VSTM4: variants seen among roughly 807,000 people sequenced by gnomAD.
VSTM4 encodes the protein V-set and transmembrane domain-containing protein 4.
A neutral mutation model predicts 36.4 loss-of-function variants in VSTM4; 20 were observed. The observed-to-expected ratio is 0.55, with a 90% CI of 0.39 to 0.80. The LOEUF is 0.80. Ranked by LOEUF, VSTM4 falls within the 30% of genes least tolerant of loss-of-function variation. The pLI, the probability that VSTM4 is intolerant of heterozygous loss-of-function variation, is 0.00. For missense variants in VSTM4, 392 were observed against 404.5 expected, an observed-to-expected ratio of 0.97 and a Z score of 0.26; for synonymous variants, 182 against 173.9, an observed-to-expected ratio of 1.05 and a Z score of -0.37.
At chr10:49,029,858 GC>G (rs1843318621) in intron 7 of VSTM4, among the ~76,000 whole-genome samples, 1 of 152,208 alleles carries the variant, frequency 6.6e-6, no homozygotes. Context: ...AAGACTTGAG[GC>G]CACAGAACCC....
At chr10:49,064,434 C>T (rs1843935542) in intron 5 of VSTM4, 2 of 442,944 alleles carry the variant, frequency 4.5e-6, no homozygotes, top group African/African-American at 2.0e-5. Context: ...AACTGGGGAG[C>T]AGCTCTGCAG....
intron 7 of VSTM4, among the ~76,000 whole-genome samples, chr10:49,036,639 G>A (rs1400149286): frequency 1.3e-5 from 2 of 152,200 alleles, no homozygotes; most frequent in African/African-American, 2.4e-5. Context: ...TTCTATCACT[G>A]CTTTCTAATG....
intron 7 of VSTM4, among the ~76,000 whole-genome samples, chr10:49,039,656 G>T (rs553155562): frequency 9.2e-5 from 14 of 152,114 alleles, no homozygotes; most frequent in Non-Finnish European, 2.1e-4. Context: ...GACCCATTGT[G>T]GAGGAGGGCA....
intron 7 of VSTM4, among the ~76,000 whole-genome samples, chr10:49,046,651 A>T (rs1843615644): frequency 6.6e-6 from 1 of 152,216 alleles, no homozygotes; most frequent in African/African-American, 2.4e-5. Flanking sequence ...TCTGGAAAAC[A>T]TGTGCAGCAG....
rs747350563 is a variant in VSTM4, at chr10:49,107,710, AC to A, written c.340del (p.Val114SerfsTer2). The A allele has an allele frequency of 6.2e-7, 1 of 1,614,206 alleles. No individual in the cohort carries two copies. Among genetic ancestry groups the A allele is most frequent in the Non-Finnish European group, 8.5e-7 (1 of 1,180,038 alleles). ...EQRGALYRLS[V>X]LTLQPSDQGH... is the part of the protein sequence containing the mutation. Reference sequence around the variant, plus strand: ...TTGATCGGAGGGCTGCAGTGTCAAGACGGAGAGCCTGTAGAGCGCCCCCCGC... The same window carrying A: ...TTGATCGGAGGGCTGCAGTGTCAAGAGGAGAGCCTGTAGAGCGCCCCCCGC... On this transcript the variant is annotated frameshift_variant, in exon 2 of 8. Transcript: ENST00000332853. LOFTEE classifies it high-confidence loss of function.
intron 7 of VSTM4, among the ~76,000 whole-genome samples, chr10:49,046,598 T>C (rs1318194418): frequency 1.3e-5 from 2 of 152,246 alleles, no homozygotes; most frequent in African/African-American, 2.4e-5. Flanking sequence ...ACAACTTTTC[T>C]GTAAATCTAA....
At chr10:49,079,239 C>T (rs780020434) in intron 3 of VSTM4, among the ~76,000 whole-genome samples, 3 of 150,880 alleles carry the variant, frequency 2.0e-5, no homozygotes, top group Non-Finnish European at 3.0e-5. Flanking sequence ...GGTCTCACTC[C>T]GTCACCCAGG....
At chr10:49,077,068 A>G in intron 4 of VSTM4, 151 bp downstream of exon 4, 1 of 730,914 alleles carries the variant, frequency 1.4e-6, no homozygotes, top group Non-Finnish European at 2.3e-6. Context: ...CAAGGGAAAC[A>G]CAGCTTGCTC....
chr10:49,088,422 T>C (rs1844412076), intron 2 of VSTM4, among the ~76,000 whole-genome samples: 1 of 152,248 alleles, frequency 6.6e-6, no homozygotes, highest in Admixed American at 6.5e-5. Flanking sequence ...CCCAACCTCC[T>C]TGACCTGCTC....
intron 3 of VSTM4, among the ~76,000 whole-genome samples, chr10:49,082,437 A>G (rs34289781): frequency 0.27 from 41,625 of 152,038 alleles, 5,838 homozygotes; most frequent in Admixed American, 0.35. Context: ...GCCGAGGCAG[A>G]CCAATCACCT....
intron 1 of VSTM4, among the ~76,000 whole-genome samples, chr10:49,108,932 C>T (rs1189871374): frequency 1.3e-5 from 2 of 152,120 alleles, no homozygotes; most frequent in South Asian, 2.1e-4. Context: ...CATGGTGTAC[C>T]CTGGACTGCC....
chr10:49,019,886 G>A, intron 7 of VSTM4, 111 bp from the exon 8 acceptor site: 23 of 1,343,502 alleles, frequency 1.7e-5, no homozygotes, highest in South Asian at 3.3e-5. Flanking sequence ...ATTCAGCGAG[G>A]GATAAGTGGA....
At chr10:49,069,566 G>A (rs1184430618) in intron 4 of VSTM4, among the ~76,000 whole-genome samples, 1 of 152,140 alleles carries the variant, frequency 6.6e-6, no homozygotes, top group East Asian at 1.9e-4. Context: ...TTACCCAGTG[G>A]GAGAGAAAGG....
intron 4 of VSTM4, among the ~76,000 whole-genome samples, chr10:49,074,639 G>A (rs1423864795): frequency 2.0e-5 from 3 of 152,210 alleles, no homozygotes; most frequent in Non-Finnish European, 4.4e-5. Flanking sequence ...TCCTGGAGGT[G>A]CATGGGGCAA....
chr10:49,059,531 T>G lies in VSTM4; in HGVS notation c.668+5172A>C, dbSNP rs141060464. Among the ~76,000 whole-genome samples the G allele has an allele frequency of 2.1e-3, 327 of 152,226 alleles. 1 individual carries two copies. The highest frequency in any genetic ancestry group is 7.5e-3 in the African/African-American group (313 of 41,552). On this transcript the variant is annotated intron_variant, in intron 5 of 7. Coordinates refer to ENST00000332853, the MANE Select transcript of VSTM4 (RefSeq NM_001031746.5). ...GTAAGGGAAAAAAGAGGGGCCCCAG[T>G]AGCCAGAGGCTGCTTGCTAGACACA... is the stretch of plus-strand genomic sequence containing the variant.
At chr10:49,095,876 C>G (rs1844563015) in intron 2 of VSTM4, among the ~76,000 whole-genome samples, 1 of 152,198 alleles carries the variant, frequency 6.6e-6, no homozygotes, top group African/African-American at 2.4e-5. Flanking sequence ...CTGTACCTCT[C>G]TTTGGGAAAG....
intron 7 of VSTM4, among the ~76,000 whole-genome samples, chr10:49,025,443 G>A (rs1843245750): frequency 6.6e-6 from 1 of 152,072 alleles, no homozygotes; most frequent in Non-Finnish European, 1.5e-5. Flanking sequence ...GTGAGGAGCA[G>A]GGCTGGAGGA....
intron 5 of VSTM4, chr10:49,064,427 T>C (rs4497319): frequency 0.15 from 63,724 of 436,964 alleles, 7,639 homozygotes; most frequent in African/African-American, 0.41. Context: ...CTTCCTAAAC[T>C]GGGGAGCAGC....
At chr10:49,019,885 G>A (rs565983167) in intron 7 of VSTM4, 110 bp from the exon 8 acceptor site, 4 of 1,361,726 alleles carry the variant, frequency 2.9e-6, no homozygotes, top group East Asian at 2.5e-5. Flanking sequence ...GATTCAGCGA[G>A]GGATAAGTGG....
Sources: allele counts gnomAD v4.1 joint callset (sites outside exome capture counted in the v4.1 genomes callset), GRCh38; gene constraint gnomAD v4.1.1; transcripts MANE v1.5; gene names NCBI Gene and HGNC (gene_info 2026-07-23, HGNC 2026-07-21).